Variants in PTPRN2 observed in about 807,000 individuals in gnomAD.
PTPRN2 encodes receptor-type tyrosine-protein phosphatase N2.
In PTPRN2, 74 loss-of-function variants were observed where a neutral mutation model predicts 118.8. The observed-to-expected ratio is 0.62, with a 90% CI of 0.52 to 0.76. The LOEUF (loss-of-function observed/expected upper bound fraction) is 0.76, where lower values mean the gene tolerates loss of function less well. Among genes scored for constraint, PTPRN2 ranks in the 30% least tolerant of loss-of-function variants. The pLI is 0.00. For synonymous variants in PTPRN2, 641 were observed against 608.0 expected, an observed-to-expected ratio of 1.05 and a Z score of -0.80; for missense variants, 1,481 against 1,394.4, an observed-to-expected ratio of 1.06 and a Z score of -0.99.
At chr7:157,714,159 A>G (rs1158803928) in intron 12 of PTPRN2, among the ~76,000 whole-genome samples, 1 of 152,232 alleles carries the variant, frequency 6.6e-6, no homozygotes, top group Non-Finnish European at 1.5e-5. Context: ...GAGACGTCTC[A>G]CAGGTCACGT....
rs1047365611 is a variant in PTPRN2 at position 157,550,314 on chromosome 7, G to A, written c.2903-1295C>T. Among the ~76,000 whole-genome samples the A allele has an allele frequency of 1.3e-5, 2 of 152,220 alleles. No homozygotes were observed. The highest frequency in any genetic ancestry group is 4.8e-5 in the African/African-American group (2 of 41,462). ...GAAGCACCTCCAAGTCACAGCAGGT[G>A]CCTGCGAAGCACCTCCAAGTCAGAA... On this transcript the variant is annotated intron_variant, in intron 21 of 22. Coordinates refer to ENST00000389418, the MANE Select transcript of PTPRN2 (RefSeq NM_002847.5). This position sits in a 1 kb window ranked among gnomAD's most constrained non-coding sequence, Gnocchi z 5.2.
chr7:158,157,227 G>A (rs1487625365), intron 6 of PTPRN2, among the ~76,000 whole-genome samples: 1 of 152,272 alleles, frequency 6.6e-6, no homozygotes, highest in Non-Finnish European at 1.5e-5. Flanking sequence ...CATGGCAGAA[G>A]GTGGTGGGAG....
intron 1 of PTPRN2, among the ~76,000 whole-genome samples, chr7:158,556,124 TGATA>T (rs1826967481): frequency 1.3e-5 from 2 of 152,202 alleles, no homozygotes; most frequent in Non-Finnish European, 2.9e-5. Context: ...TATGTTCTAT[TGATA>T]GATGATGATA....
At chr7:158,387,560 G>T (rs929462791) in intron 2 of PTPRN2, among the ~76,000 whole-genome samples, 2 of 151,746 alleles carry the variant, frequency 1.3e-5, no homozygotes, top group Non-Finnish European at 2.9e-5. Flanking sequence ...AGGGGGCTGC[G>T]GCATCCCTGT....
At chr7:158,335,984 G>A (rs1382969250) in intron 2 of PTPRN2, among the ~76,000 whole-genome samples, 1 of 6,588 alleles carries the variant, frequency 1.5e-4, no homozygotes. Flanking sequence ...CACCATAAGA[G>A]GTGACACCTG....
chr7:158,012,155 G>A (rs1315495618), intron 11 of PTPRN2, among the ~76,000 whole-genome samples: 1 of 152,200 alleles, frequency 6.6e-6, no homozygotes, highest in Non-Finnish European at 1.5e-5. Context: ...TTGGGGGCAA[G>A]AACCACACAT....
chr7:158,557,357 A>G (rs113874532), intron 1 of PTPRN2, among the ~76,000 whole-genome samples: 38 of 134,464 alleles, frequency 2.8e-4, no homozygotes, highest in East Asian at 1.3e-3. Flanking sequence ...GACGGCTCCC[A>G]CGCAGGTCAG....
intron 22 of PTPRN2, among the ~76,000 whole-genome samples, chr7:157,545,656 G>A (rs1449203952): frequency 1.3e-5 from 2 of 152,076 alleles, no homozygotes; most frequent in Non-Finnish European, 2.9e-5. Context: ...AAATGCTCAG[G>A]TGGGCGCTGG....
intron 15 of PTPRN2, chr7:157,616,591 C>T (rs551946818): frequency 6.6e-5 from 10 of 152,248 alleles, no homozygotes; most frequent in African/African-American, 1.9e-4. Flanking sequence ...AGGGCAGAGT[C>T]GGCTGGCACT....
intron 10 of PTPRN2, among the ~76,000 whole-genome samples, chr7:158,088,281 A>G (rs375765454): frequency 0.012 from 327 of 26,982 alleles, no homozygotes; most frequent in South Asian, 0.032. Context: ...CTGATGAAAG[A>G]GGGAGTCTTC....
intron 11 of PTPRN2, among the ~76,000 whole-genome samples, chr7:158,071,696 T>C (rs111204864): frequency 0.37 from 15,063 of 40,396 alleles, 2,108 homozygotes; most frequent in African/African-American, 0.54. Flanking sequence ...TGGAGGTGCT[T>C]GTGGTGGAGG....
At chr7:157,734,482 C>G (rs1040292568) in intron 12 of PTPRN2, among the ~76,000 whole-genome samples, 1 of 152,192 alleles carries the variant, frequency 6.6e-6, no homozygotes, top group Non-Finnish European at 1.5e-5. Context: ...ATGAGTCTAC[C>G]TTTAAGGTAA....
At chr7:158,032,327 G>A (rs954542176) in intron 11 of PTPRN2, among the ~76,000 whole-genome samples, 3 of 152,186 alleles carry the variant, frequency 2.0e-5, no homozygotes, top group African/African-American at 7.2e-5. Flanking sequence ...ATTAGAGACA[G>A]CACAGCCCCT....
chr7:158,243,078 T>C (rs903010209), intron 3 of PTPRN2, among the ~76,000 whole-genome samples: 1 of 152,216 alleles, frequency 6.6e-6, no homozygotes, highest in Non-Finnish European at 1.5e-5. Context: ...TTGTTCTTCA[T>C]TTCCTAGTGC....
chr7:157,745,529 C>T (rs1277389329), intron 12 of PTPRN2, among the ~76,000 whole-genome samples: 1 of 152,000 alleles, frequency 6.6e-6, no homozygotes, highest in African/African-American at 2.4e-5. Context: ...TGCTGGGCTC[C>T]TCCGACAATG....
At chr7:157,727,615 G>A (rs546429161) in intron 12 of PTPRN2, among the ~76,000 whole-genome samples, 22 of 152,292 alleles carry the variant, frequency 1.4e-4, no homozygotes, top group South Asian at 4.2e-4. Context: ...GGAGATGCTC[G>A]CACAACGTTG....
chr7:157,722,288 C>T (rs1417875450), intron 12 of PTPRN2, among the ~76,000 whole-genome samples: 2 of 152,216 alleles, frequency 1.3e-5, no homozygotes, highest in African/African-American at 4.8e-5. Context: ...ATGCTGACTG[C>T]AGCCTGGCAT....
At chr7:157,812,773 C>G (rs987112710) in intron 12 of PTPRN2, among the ~76,000 whole-genome samples, 1 of 152,150 alleles carries the variant, frequency 6.6e-6, no homozygotes, top group Non-Finnish European at 1.5e-5. Context: ...TGACCCACCA[C>G]AGATGGGTAG....
chr7:158,295,001 G>A lies in PTPRN2; in HGVS notation c.277+21818C>T, dbSNP rs531869962. On this transcript the variant is annotated intron_variant, in intron 3 of 22. Coordinates refer to ENST00000389418, the MANE Select transcript of PTPRN2 (RefSeq NM_002847.5). ...GACCCTGCCTGTCTGCCCAGACACT[G>A]CACCACCTTCCACGCGCATGGTTCA... 5.4e-4 allele frequency among the ~76,000 whole-genome samples: 79 copies of A among 146,172 alleles called. No homozygotes were observed. The East Asian group carries it at 8.4e-3, about 15-fold the overall frequency.
Sources: allele counts gnomAD v4.1 joint callset (sites outside exome capture counted in the v4.1 genomes callset), GRCh38; gene constraint gnomAD v4.1.1; non-coding constraint Gnocchi (gnomAD v3.1); transcripts MANE v1.5; gene names NCBI Gene and HGNC (gene_info 2026-07-23, HGNC 2026-07-21).